SUCO: variants seen among roughly 807,000 people sequenced by gnomAD.
SUCO encodes the protein SUN domain-containing ossification factor.
Under a neutral mutation model 148.1 loss-of-function variants are expected in SUCO, and 57 were observed. That is an observed-to-expected ratio of 0.38 (90% CI 0.31 to 0.48). The LOEUF is 0.48. SUCO is among the 20% of genes least tolerant of loss of function. The pLI is 0.96. For missense variants in SUCO, 1,331 were observed against 1,468.2 expected, an observed-to-expected ratio of 0.91 and a Z score of 1.53; for synonymous variants, 470 against 502.7, an observed-to-expected ratio of 0.93 and a Z score of 0.87.
At chr1:172,570,898 G>A (rs144950213) in intron 9 of SUCO, 168 bp downstream of exon 9, 1 of 504,680 alleles carries the variant, frequency 2.0e-6, no homozygotes, top group Admixed American at 3.7e-5. Flanking sequence ...TCCTTTTGAG[G>A]AGGTCACAAA....
Position 172,533,240 on chromosome 1 carries a change from G to C in SUCO, c.-196G>C. On this transcript the variant is annotated 5_prime_UTR_variant, in exon 1 of 24. Coordinates refer to ENST00000263688, the MANE Select transcript of SUCO (RefSeq NM_014283.5). The stretch of plus-strand genomic sequence containing the variant: ...CCCCGGAGTCCTGTGAAGCGCCCCT[G>C]TCCGCGCCTCTGTGGGGCCCTCAGA... The C allele has an allele frequency of 3.9e-6, 6 of 1,547,158 alleles. No individual in the cohort carries two copies. Among genetic ancestry groups the C allele is most frequent in the Non-Finnish European group, 4.4e-6 (5 of 1,146,290 alleles).
intron 6 of SUCO, chr1:172,568,484 T>G (rs2149243900): frequency 2.1e-6 from 2 of 936,004 alleles, no homozygotes; most frequent in South Asian, 4.9e-5. Flanking sequence ...ATTCTGCATC[T>G]TATTAACATG....
chr1:172,532,359 G>A (rs1480286868), upstream of SUCO: 2 of 807,138 alleles, frequency 2.5e-6, no homozygotes, highest in Non-Finnish European at 3.8e-6. Context: ...CCCAAAGTTC[G>A]AAACCAACAG....
rs769283523 is a variant in SUCO, at chr1:172,570,711, C to A, written c.1030C>A (p.Pro344Thr). ...AAATATGGATCTTTACATGTTGAAT[C>A]CTTGCAGCACTAAAATTTGGTGAGT... ...IENMDLYMLN[P>T]CSTKIWFVIE... Residue 344 changes from proline (P) to threonine (T), a missense_variant, in exon 9 of 24, where the codon CCT becomes ACT. By Grantham distance (38) the Pro-to-Thr change is conservative. This residue lies in a region of SUCO where 992 missense variants were observed against 1,093.5 expected (regional missense o/e 0.91). Transcript: ENST00000263688. 1 of 1,606,222 alleles carries A rather than the reference C, an allele frequency of 6.2e-7. No individual in the cohort carries two copies. The highest frequency in any genetic ancestry group is 1.1e-5 in the South Asian group (1 of 90,666).
intron 19 of SUCO, among the ~76,000 whole-genome samples, chr1:172,592,835 G>A (rs890564479): frequency 2.0e-5 from 3 of 152,142 alleles, no homozygotes; most frequent in Non-Finnish European, 2.9e-5. Context: ...TGGCTTGATG[G>A]GGATAGCATT....
intron 19 of SUCO, among the ~76,000 whole-genome samples, chr1:172,598,933 T>C (rs1340859264): frequency 6.6e-6 from 1 of 152,158 alleles, no homozygotes; most frequent in East Asian, 1.9e-4. Flanking sequence ...TACAGTTTTA[T>C]ACACCCCCCC....
At chr1:172,595,474 G>A (rs1378180238) in intron 19 of SUCO, among the ~76,000 whole-genome samples, 1 of 152,140 alleles carries the variant, frequency 6.6e-6, no homozygotes, top group Non-Finnish European at 1.5e-5. Context: ...AGGCAGGCCT[G>A]GTGGTGACAA....
chr1:172,543,556 A>G (rs1402563730), intron 1 of SUCO, among the ~76,000 whole-genome samples: 8 of 152,174 alleles, frequency 5.3e-5, no homozygotes, highest in Non-Finnish European at 1.2e-4. Flanking sequence ...GTGCTTCTCT[A>G]TGTTGGATCA....
intron 23 of SUCO, 85 bp downstream of exon 23, chr1:172,608,887 C>A: frequency 1.1e-6 from 1 of 894,212 alleles, no homozygotes. Flanking sequence ...AAGGTAATTA[C>A]CTTTAAGTAG....
intron 2 of SUCO, chr1:172,551,883 T>C (rs1653328131): frequency 3.9e-6 from 1 of 253,794 alleles, no homozygotes; most frequent in Non-Finnish European, 7.5e-6. Context: ...TTCAGAGAGC[T>C]GAAAATGAGT....
rs888850923 is a variant in SUCO at position 172,610,247 on chromosome 1, G to A, written c.3753G>A (p.Ser1251=). ...TVGTFGVTAV[S]GHI ...GAACATTTGGTGTTACAGCAGTCTC[G>A]GGACATATCTAAAATTAATTGAACT... is the stretch of plus-strand genomic sequence containing the variant. The change falls in exon 24 of 24, where the codon TCG becomes TCA. Residue 1251 remains serine (S), a synonymous_variant. Transcript: ENST00000263688. 12 of 1,580,250 alleles carry A rather than the reference G, an allele frequency of 7.6e-6. No individual in the cohort carries two copies. In the African/African-American group the frequency reaches 1.1e-4, roughly 14 times the overall value.
Position 172,606,010 on chromosome 1 carries a change from A to T in SUCO, c.3266-2737A>T, listed in dbSNP as rs572972534. The stretch of plus-strand genomic sequence containing the variant: ...TCATAGGTATTCTATAAATTTTTTT[A>T]TATTATATTTTATTTCCATTTTTAA... On this transcript the variant is annotated intron_variant, in intron 22 of 23. Transcript: ENST00000263688. Among the ~76,000 whole-genome samples the T allele has an allele frequency of 2.0e-3, 304 of 151,398 alleles. 3 individuals are homozygous for T. The highest frequency in any genetic ancestry group is 6.1e-3 in the African/African-American group (254 of 41,446).
At chr1:172,584,447 T>C in intron 15 of SUCO, 1 of 620,614 alleles carries the variant, frequency 1.6e-6, no homozygotes, top group African/African-American at 2.0e-5. Context: ...AGACAGTGTT[T>C]TGGTAAAGTG....
intron 11 of SUCO, chr1:172,577,139 C>A: frequency 3.0e-6 from 1 of 328,834 alleles, no homozygotes; most frequent in Non-Finnish European, 4.3e-6. Flanking sequence ...GCATATATAT[C>A]AATATATAAA....
chr1:172,602,290 C>A, intron 21 of SUCO, 72 bp downstream of exon 21: 2 of 1,414,800 alleles, frequency 1.4e-6, no homozygotes, highest in Non-Finnish European at 9.4e-7. Flanking sequence ...AAATTTTAAG[C>A]AAATAAAGGG....
chr1:172,573,287 T>C (rs74124242), intron 9 of SUCO, among the ~76,000 whole-genome samples: 5,151 of 152,286 alleles, frequency 0.034, 266 homozygotes, highest in African/African-American at 0.12. Flanking sequence ...GTCTCTAGAT[T>C]TTTTATGTAA....
intron 11 of SUCO, chr1:172,577,175 C>A (rs1295171149): frequency 8.7e-6 from 2 of 229,684 alleles, no homozygotes; most frequent in Non-Finnish European, 1.4e-5. Context: ...ATACTTGATA[C>A]ATGTCTGTAA....
intron 1 of SUCO, among the ~76,000 whole-genome samples, chr1:172,536,931 C>A (rs1652065765): frequency 6.6e-6 from 1 of 152,162 alleles, no homozygotes. Context: ...TCCAGCCAGA[C>A]ATTCCAGGAT....
At chr1:172,599,179 A>T (rs1302866397) in intron 19 of SUCO, among the ~76,000 whole-genome samples, 1 of 152,040 alleles carries the variant, frequency 6.6e-6, no homozygotes, top group Non-Finnish European at 1.5e-5. Flanking sequence ...AATACAAATA[A>T]TTAGCCGGGC....
Sources: allele counts gnomAD v4.1 joint callset (sites outside exome capture counted in the v4.1 genomes callset), GRCh38; gene constraint gnomAD v4.1.1; regional missense constraint gnomAD v4.1.1; transcripts MANE v1.5; gene names NCBI Gene and HGNC (gene_info 2026-07-23, HGNC 2026-07-21).